Variants in GNAZ observed in about 807,000 individuals in gnomAD.
GNAZ encodes G protein subunit alpha z, also known as guanine nucleotide-binding protein G(z) subunit alpha.
In GNAZ, 3 loss-of-function variants were observed where a neutral mutation model predicts 25.4. The observed-to-expected ratio is 0.12, with a 90% confidence interval of 0.05 to 0.30. The LOEUF (loss-of-function observed/expected upper bound fraction) is 0.30, where lower values mean the gene tolerates loss of function less well. Ranked by LOEUF, GNAZ falls within the 10% of genes least tolerant of loss-of-function variation. The probability of loss-of-function intolerance (pLI) is 1.00; values close to 1 mark genes in which losing one functional copy is unlikely to be tolerated. For missense variants in GNAZ, 241 were observed against 501.8 expected, an observed-to-expected ratio of 0.48 and a Z score of 4.97; for synonymous variants, 211 against 205.7, an observed-to-expected ratio of 1.03 and a Z score of -0.22.
intron 2 of GNAZ, among the ~76,000 whole-genome samples, chr22:23,099,952 T>C (rs1168466615): frequency 6.6e-6 from 1 of 152,190 alleles, no homozygotes; most frequent in African/African-American, 2.4e-5. Context: ...GGCCACCAAA[T>C]GGTGTGGGAT....
At chr22:23,115,038 T>C (rs1306189766) in intron 2 of GNAZ, among the ~76,000 whole-genome samples, 1 of 152,056 alleles carries the variant, frequency 6.6e-6, no homozygotes, top group Non-Finnish European at 1.5e-5. Context: ...GTCACGTGCA[T>C]TTTATGTGAG....
intron 1 of GNAZ, among the ~76,000 whole-genome samples, chr22:23,075,429 T>C (rs993480632): frequency 6.6e-6 from 1 of 152,066 alleles, no homozygotes; most frequent in South Asian, 2.1e-4. Context: ...CATCTTGAGG[T>C]TGAGGTTTAG....
chr22:23,122,183 A>T (rs191092984), intron 2 of GNAZ, among the ~76,000 whole-genome samples: 1 of 152,326 alleles, frequency 6.6e-6, no homozygotes, highest in Admixed American at 6.5e-5. Context: ...GAATTTATTC[A>T]TTTTGCAGGG....
chr22:23,075,887 G>A (rs1228205497), intron 1 of GNAZ, among the ~76,000 whole-genome samples: 1 of 152,156 alleles, frequency 6.6e-6, no homozygotes, highest in South Asian at 2.1e-4. Context: ...TCCTTTGTGA[G>A]GTCTGCCCCT....
At chr22:23,109,457 TCAGA>T (rs1241703225) in intron 2 of GNAZ, among the ~76,000 whole-genome samples, 1 of 151,576 alleles carries the variant, frequency 6.6e-6, no homozygotes. Context: ...AGAAAGGGAG[TCAGA>T]CAGGAGAGGG....
chr22:23,102,670 G>A (rs2069339539), intron 2 of GNAZ, among the ~76,000 whole-genome samples: 1 of 152,228 alleles, frequency 6.6e-6, no homozygotes, highest in Admixed American at 6.5e-5. Context: ...TCATGAACCT[G>A]GTGGCTCTGT....
At chr22:23,119,431 G>T in intron 2 of GNAZ, among the ~76,000 whole-genome samples, 1 of 152,274 alleles carries the variant, frequency 6.6e-6, no homozygotes, top group Admixed American at 6.5e-5. Context: ...TCAGCCTCCC[G>T]CTCTGTCTTG....
At chr22:23,086,027 A>G (rs542392064) in intron 1 of GNAZ, among the ~76,000 whole-genome samples, 2 of 152,388 alleles carry the variant, frequency 1.3e-5, no homozygotes, top group East Asian at 3.9e-4. Context: ...GCCCCTGGCT[A>G]GTGGCAGAAG....
intron 2 of GNAZ, among the ~76,000 whole-genome samples, chr22:23,105,954 C>T (rs1457103256): frequency 1.3e-5 from 2 of 152,182 alleles, no homozygotes; most frequent in South Asian, 2.1e-4. Flanking sequence ...AGGGTGCCCA[C>T]GGCCTCCCTT....
In GNAZ at chr22:23,071,638, C is replaced by T. The variant is rs1340618363; in HGVS notation, c.-450+1068C>T. On this transcript the variant is annotated intron_variant, in intron 1 of 2. Coordinates refer to ENST00000615612, the MANE Select transcript of GNAZ (RefSeq NM_002073.4). The surrounding 1 kb of genome is among the most constrained non-coding windows in gnomAD (Gnocchi z 4.1). ...GGTGGGAGTGGACTGGGCCTGCCCT[C>T]CCAGGACTGATTGACCACCGCATAG... Among the ~76,000 whole-genome samples the T allele has an allele frequency of 2.6e-5, 4 of 152,094 alleles. No individual in the cohort carries two copies. The highest frequency in any genetic ancestry group is 9.7e-5 in the African/African-American group (4 of 41,414).
At chr22:23,090,964 C>A (rs918046086) in intron 1 of GNAZ, among the ~76,000 whole-genome samples, 1 of 152,210 alleles carries the variant, frequency 6.6e-6, no homozygotes, top group East Asian at 1.9e-4. Flanking sequence ...CTGGAGAGCC[C>A]CTGACCCATC....
rs943580034 is a variant in GNAZ at position 23,107,581 on chromosome 22, G to A, written c.723+11163G>A. Reference sequence around the variant, plus strand: ...GTGAACTGGGGGCCTCTGTCTGCAGGTGGCAGCAGCTGGGGTGTAGGGAGC... The same window carrying A: ...GTGAACTGGGGGCCTCTGTCTGCAGATGGCAGCAGCTGGGGTGTAGGGAGC... On this transcript the variant is annotated intron_variant, in intron 2 of 2. Coordinates refer to ENST00000615612, the MANE Select transcript of GNAZ (RefSeq NM_002073.4). 2.0e-5 allele frequency among the ~76,000 whole-genome samples: 3 copies of A among 152,146 alleles called. No homozygotes were observed. The East Asian group carries it at 5.8e-4, about 29-fold the overall frequency.
intron 1 of GNAZ, among the ~76,000 whole-genome samples, chr22:23,080,137 C>T (rs1479555288): frequency 6.6e-6 from 1 of 152,236 alleles, no homozygotes; most frequent in Non-Finnish European, 1.5e-5. Flanking sequence ...CTGTCATGGC[C>T]ACCCTCTCCT....
chr22:23,113,649 G>A (rs932197148), intron 2 of GNAZ, among the ~76,000 whole-genome samples: 1 of 152,216 alleles, frequency 6.6e-6, no homozygotes, highest in Non-Finnish European at 1.5e-5. Flanking sequence ...AGCACAGGGG[G>A]CCAACACCAC....
intron 1 of GNAZ, among the ~76,000 whole-genome samples, chr22:23,072,752 A>G (rs1277932707): frequency 6.6e-6 from 1 of 152,130 alleles, no homozygotes; most frequent in African/African-American, 2.4e-5. Flanking sequence ...TGGGTTTGGG[A>G]CACAGGGAAT....
At chr22:23,105,246 C>G (rs1476531209) in intron 2 of GNAZ, among the ~76,000 whole-genome samples, 1 of 152,242 alleles carries the variant, frequency 6.6e-6, no homozygotes, top group African/African-American at 2.4e-5. Context: ...CCCAGAGCCT[C>G]GAAGGCAACT....
chr22:23,079,511 C>A (rs2068613219), intron 1 of GNAZ, among the ~76,000 whole-genome samples: 1 of 152,160 alleles, frequency 6.6e-6, no homozygotes, highest in Non-Finnish European at 1.5e-5. Context: ...ATTGCACAGC[C>A]CTGGTGCCCT....
Position 23,123,558 on chromosome 22 carries a change from C to T in GNAZ, c.*127C>T. 1.6e-6 allele frequency: 1 copy of T among 624,866 alleles called. No homozygotes were observed. The highest frequency in any genetic ancestry group is 2.7e-5 in the East Asian group (1 of 36,556). The allele number at this position is 624,866 out of a possible 1,614,324, so 38.7% of individuals were successfully genotyped here. On this transcript the variant is annotated 3_prime_UTR_variant, in exon 3 of 3. Transcript: ENST00000615612. ...CTAAAGAATGTCCCCCACCCCTTGG[C>T]CTCTGCCTCCTTGGCCCCACATTTC... is the stretch of plus-strand genomic sequence containing the variant.
At chr22:23,101,753 G>A (rs1481001635) in intron 2 of GNAZ, among the ~76,000 whole-genome samples, 1 of 152,222 alleles carries the variant, frequency 6.6e-6, no homozygotes, top group Non-Finnish European at 1.5e-5. Flanking sequence ...AGATCCAGAG[G>A]CAGGGCCAGG....
Sources: allele counts gnomAD v4.1 joint callset (sites outside exome capture counted in the v4.1 genomes callset), GRCh38; gene constraint gnomAD v4.1.1; non-coding constraint Gnocchi (gnomAD v3.1); transcripts MANE v1.5; gene names NCBI Gene and HGNC (gene_info 2026-07-23, HGNC 2026-07-21).